CHST12: variants seen among roughly 807,000 people sequenced by gnomAD.
CHST12 encodes carbohydrate sulfotransferase 12.
Under a neutral mutation model 27.9 loss-of-function variants are expected in CHST12, and 23 were observed. That is an observed-to-expected ratio of 0.82 (90% CI 0.59 to 1.17). The LOEUF is 1.17. CHST12 is among the 50% of genes most tolerant of loss of function. The pLI is 0.00. For missense variants in CHST12, 682 were observed against 603.0 expected (o/e 1.13, Z -1.37); for synonymous variants, 322 against 273.0 (o/e 1.18, Z -1.77).
rs17132399 is a variant in CHST12, at chr7:2,433,072, G to C, written c.433G>C (p.Ala145Pro). The change falls in exon 2 of 2, where the codon GCA becomes CCA. Residue 145 changes from alanine to proline, a missense_variant. Ala to Pro is a conservative substitution (Grantham distance 27). Transcript: ENST00000618655. The surrounding 1 kb of genome is among the most constrained non-coding windows in gnomAD (Gnocchi z 6.1). Reference protein sequence around the residue: ...SSLAFPTKERAFDDIPNSELS... With the variant: ...SSLAFPTKERPFDDIPNSELS... ...CCTGGCCTTCCCCACCAAGGAGCGC[G>C]CATTCGACGACATCCCCAACTCGGA... 8.5e-3 allele frequency: 13,672 copies of C among 1,612,150 alleles called. 1,104 individuals are homozygous for C. The East Asian group carries it at 0.2, about 24-fold the overall frequency.
chr7:2,424,501 T>C (rs1325488774), intron 1 of CHST12, among the ~76,000 whole-genome samples: 3 of 152,122 alleles, frequency 2.0e-5, no homozygotes, highest in Non-Finnish European at 4.4e-5. Context: ...GAGAGGCAGA[T>C]AGACTCCGAG....
At chr7:2,423,313 G>A (rs1052523031) in intron 1 of CHST12, among the ~76,000 whole-genome samples, 12 of 152,078 alleles carry the variant, frequency 7.9e-5, no homozygotes, top group Non-Finnish European at 1.3e-4. Flanking sequence ...CTGTAAAATC[G>A]TGTGGTTATA....
At chr7:2,405,765 G>C (rs1287759057) in intron 1 of CHST12, among the ~76,000 whole-genome samples, 1 of 152,146 alleles carries the variant, frequency 6.6e-6, no homozygotes, top group African/African-American at 2.4e-5. Flanking sequence ...CTGCGATGAG[G>C]AGCGCTGCGG....
At chr7:2,415,148 T>C (rs1211492488) in intron 1 of CHST12, among the ~76,000 whole-genome samples, 1 of 152,164 alleles carries the variant, frequency 6.6e-6, no homozygotes, top group Non-Finnish European at 1.5e-5. Flanking sequence ...GTGGATCACC[T>C]GAGGTCAGGA....
chr7:2,430,460 C>T (rs907067511), intron 1 of CHST12, among the ~76,000 whole-genome samples: 10 of 152,204 alleles, frequency 6.6e-5, no homozygotes, highest in South Asian at 4.1e-4. Context: ...GGATTACAGG[C>T]GCCTGCCACC....
chr7:2,446,600 T>C lies in CHST12; in HGVS notation c.*12716T>C, dbSNP rs1277674084. 6.5e-6 allele frequency: 1 copy of C among 152,914 alleles called. No homozygotes were observed. Among genetic ancestry groups the C allele is most frequent in the East Asian group, 1.9e-4 (1 of 5,198 alleles). 9.5% of individuals were successfully genotyped at this position (152,914 alleles called of 1,614,324 possible). A position where few individuals can be genotyped will look rare whatever the true frequency, so the allele number is the denominator to read the frequency against. ...TTCCTTACCTGCCATGAGAATGAGA[T>C]GTCCAGGGACCTCCCTGCTCCAGCT... On this transcript the variant is annotated 3_prime_UTR_variant, in exon 2 of 2. Transcript: ENST00000618655.
At chr7:2,429,235 A>G (rs1782209974) in intron 1 of CHST12, among the ~76,000 whole-genome samples, 1 of 152,112 alleles carries the variant, frequency 6.6e-6, no homozygotes, top group Non-Finnish European at 1.5e-5. Context: ...ATTCCATAGC[A>G]ATAGTTTCAG....
Position 2,407,792 on chromosome 7 carries a change from T to G in CHST12, c.-78+4119T>G, listed in dbSNP as rs570280318. On this transcript the variant is annotated intron_variant, in intron 1 of 1. Coordinates refer to ENST00000618655, the MANE Select transcript of CHST12 (RefSeq NM_018641.5). ...TAAAAATACAAAAATTAGCCAAGCA[T>G]GGTGGTGGGTGCCTGTAATCCCATA... 2.0e-5 allele frequency among the ~76,000 whole-genome samples: 3 copies of G among 151,784 alleles called. No homozygotes were observed. In the East Asian group the frequency reaches 5.9e-4, roughly 30 times the overall value.
At position 2,435,648 on chromosome 7, in the gene CHST12, C is replaced by T. The variant is rs115673792; in HGVS notation, c.*1764C>T. ...CTGCCCAGTCCCTGGTTGCTGGCCACGCTCAGTTGGGACATACCCTGGTGT... is the reference window on the plus strand; with the variant it reads ...CTGCCCAGTCCCTGGTTGCTGGCCATGCTCAGTTGGGACATACCCTGGTGT... On this transcript the variant is annotated 3_prime_UTR_variant, in exon 2 of 2. Transcript: ENST00000618655. 43 of 152,382 alleles carry T rather than the reference C, an allele frequency of 2.8e-4. No homozygotes were observed. Among genetic ancestry groups the T allele is most frequent in the African/African-American group, 9.1e-4 (38 of 41,552 alleles). 9.4% of individuals were successfully genotyped at this position (152,382 alleles called of 1,614,324 possible). A position where few individuals can be genotyped will look rare whatever the true frequency, so the allele number is the denominator to read the frequency against.
upstream of CHST12, chr7:2,403,496 C>T (rs1781435934): frequency 1.3e-5 from 2 of 151,784 alleles, no homozygotes; most frequent in East Asian, 3.9e-4. Context: ...GGGCGGGCGC[C>T]CCTCGGCCTC....
At chr7:2,424,854 C>T (rs953724291) in intron 1 of CHST12, among the ~76,000 whole-genome samples, 8 of 152,138 alleles carry the variant, frequency 5.3e-5, no homozygotes, top group African/African-American at 1.4e-4. Flanking sequence ...ACACTGAGAG[C>T]CTGCTAGAGC....
intron 1 of CHST12, among the ~76,000 whole-genome samples, chr7:2,410,848 C>T (rs955237204): frequency 1.5e-4 from 23 of 152,006 alleles, no homozygotes; most frequent in Non-Finnish European, 1.5e-5. Flanking sequence ...CAGAAGGACT[C>T]GAGATAGGAA....
intron 1 of CHST12, among the ~76,000 whole-genome samples, chr7:2,417,372 C>T (rs773726800): frequency 1.1e-4 from 17 of 149,150 alleles, no homozygotes; most frequent in Admixed American, 5.4e-4. Flanking sequence ...TACAGGTGTG[C>T]GCCACCATGT....
chr7:2,416,630 T>C (rs536752647), intron 1 of CHST12, among the ~76,000 whole-genome samples: 1 of 152,264 alleles, frequency 6.6e-6, no homozygotes, highest in Admixed American at 6.5e-5. Flanking sequence ...GATTTAGAGG[T>C]GTATTTTGCC....
At chr7:2,405,263 GGT>G (rs1781493353) in intron 1 of CHST12, among the ~76,000 whole-genome samples, 1 of 152,096 alleles carries the variant, frequency 6.6e-6, no homozygotes, top group Admixed American at 6.6e-5. Context: ...TGGCCAACAT[GGT>G]GAAACCCCAT....
chr7:2,415,297 A>G (rs1433605078), intron 1 of CHST12, among the ~76,000 whole-genome samples: 1 of 151,900 alleles, frequency 6.6e-6, no homozygotes, highest in Non-Finnish European at 1.5e-5. Flanking sequence ...ACCCCAGAGT[A>G]GAGGTTGCAG....
At chr7:2,403,925 G>A (rs1781451708) in intron 1 of CHST12, among the ~76,000 whole-genome samples, 1 of 152,138 alleles carries the variant, frequency 6.6e-6, no homozygotes, top group Non-Finnish European at 1.5e-5. Flanking sequence ...CCCAGCCCTG[G>A]GGCCCTGATC....
intron 1 of CHST12, among the ~76,000 whole-genome samples, chr7:2,409,782 T>C (rs1583207557): frequency 1.3e-5 from 2 of 152,202 alleles, no homozygotes; most frequent in African/African-American, 2.4e-5. Context: ...ATGGGAACAG[T>C]CTCAGATGGG....
chr7:2,415,319 T>A (rs2115399189), intron 1 of CHST12, among the ~76,000 whole-genome samples: 1 of 151,500 alleles, frequency 6.6e-6, no homozygotes, highest in South Asian at 2.1e-4. Flanking sequence ...GAGCCGAGAT[T>A]GTGCCACTGC....
Sources: allele counts gnomAD v4.1 joint callset (sites outside exome capture counted in the v4.1 genomes callset), GRCh38; gene constraint gnomAD v4.1.1; non-coding constraint Gnocchi (gnomAD v3.1); transcripts MANE v1.5; gene names NCBI Gene and HGNC (gene_info 2026-07-23, HGNC 2026-07-21).